The following ZNF518A variants were observed in gnomAD, a reference collection of about 807,000 sequenced individuals.
ZNF518A encodes zinc finger protein 518.
A neutral mutation model predicts 102.7 loss-of-function variants in ZNF518A; 47 were observed. The ratio of observed to expected loss-of-function variants is 0.46; its 90% CI spans 0.36 to 0.58. ZNF518A has a LOEUF of 0.58. Among genes scored for constraint, ZNF518A ranks in the 20% least tolerant of loss-of-function variants. The pLI, the probability that ZNF518A is intolerant of heterozygous loss-of-function variation, is 0.00. For missense variants in ZNF518A, 1,793 were observed against 1,699.8 expected (o/e 1.05, Z -0.96); for synonymous variants, 652 against 594.6 (o/e 1.10, Z -1.40).
At chr10:96,184,699 G>A (rs931220046) in intron 1 of ZNF518A, among the ~76,000 whole-genome samples, 7 of 152,164 alleles carry the variant, frequency 4.6e-5, no homozygotes, top group Non-Finnish European at 7.3e-5. Context: ...ATCCCTTTGT[G>A]GGTAACCCGA....
chr10:96,172,144 A>T (rs1400324176), intron 1 of ZNF518A, among the ~76,000 whole-genome samples: 3 of 152,104 alleles, frequency 2.0e-5, no homozygotes, highest in Non-Finnish European at 4.4e-5. Flanking sequence ...AATGATGTCG[A>T]GAATAATTTG....
chr10:96,130,140 GC>G (rs1468925173), upstream of ZNF518A: 3 of 152,778 alleles, frequency 2.0e-5, no homozygotes, highest in African/African-American at 7.2e-5. Flanking sequence ...CAGCGGGACT[GC>G]CCAGACCTTT....
At chr10:96,197,723 A>C (rs1184032945) in intron 1 of ZNF518A, among the ~76,000 whole-genome samples, 3 of 152,088 alleles carry the variant, frequency 2.0e-5, no homozygotes, top group Admixed American at 2.0e-4. Context: ...TGACCTCATT[A>C]TGAAAATTCT....
chr10:96,150,730 C>G (rs61074271), intron 3 of ZNF518A, among the ~76,000 whole-genome samples: 5,347 of 45,572 alleles, frequency 0.12, 326 homozygotes, highest in African/African-American at 0.24. Context: ...ATTGCAGCAA[C>G]TTTCTTTCTT....
At position 96,159,439 on chromosome 10, in the gene ZNF518A, T is replaced by C; in HGVS notation, c.3117T>C (p.Ser1039=). ...SSIGSCLSMK[S]SSENTLPLKG... ...TTGGCAGTTGTTTGAGCATGAAAAG[T>C]AGCTCAGAAAATACTTTGCCATTAA... Residue 1039 remains serine (S), a synonymous_variant, in exon 6 of 6, where the codon AGT becomes AGC. Transcript: ENST00000316045. The C allele has an allele frequency of 1.2e-6, 2 of 1,613,776 alleles. No individual in the cohort carries two copies. Among genetic ancestry groups the C allele is most frequent in the Non-Finnish European group, 1.7e-6 (2 of 1,179,778 alleles).
chr10:96,134,130 A>G (rs1255241395), intron 3 of ZNF518A, among the ~76,000 whole-genome samples: 3 of 152,252 alleles, frequency 2.0e-5, no homozygotes, highest in Non-Finnish European at 2.9e-5. Context: ...TCACTGGAAC[A>G]TTTTGGATTT....
intron 3 of ZNF518A, among the ~76,000 whole-genome samples, chr10:96,149,580 C>T (rs2082333634): frequency 6.6e-6 from 1 of 152,218 alleles, no homozygotes; most frequent in Non-Finnish European, 1.5e-5. Flanking sequence ...CTTCCTCCTT[C>T]CTCCCACAAG....
intron 1 of ZNF518A, among the ~76,000 whole-genome samples, chr10:96,184,654 T>C (rs2083260366): frequency 1.3e-5 from 2 of 152,170 alleles, no homozygotes; most frequent in South Asian, 4.1e-4. Context: ...GCTTGTAGAG[T>C]TTCTGCTGAG....
intron 3 of ZNF518A, among the ~76,000 whole-genome samples, chr10:96,143,967 T>C (rs1429973604): frequency 1.3e-5 from 2 of 152,210 alleles, no homozygotes; most frequent in East Asian, 3.8e-4. Flanking sequence ...AAATGTATTC[T>C]GTGCCTCAGT....
chr10:96,135,474 G>T (rs1554874093), intron 3 of ZNF518A, among the ~76,000 whole-genome samples: 1 of 152,164 alleles, frequency 6.6e-6, no homozygotes, highest in African/African-American at 2.4e-5. Flanking sequence ...TCCTTCTGTA[G>T]TTCCCCACTT....
chr10:96,180,068 G>A (rs989654710), intron 1 of ZNF518A, among the ~76,000 whole-genome samples: 32 of 151,554 alleles, frequency 2.1e-4, no homozygotes, highest in African/African-American at 7.7e-4. Flanking sequence ...TTAGTAGAGA[G>A]AGGGTTTCAC....
At chr10:96,152,469 G>A (rs74907622) in intron 3 of ZNF518A, among the ~76,000 whole-genome samples, 1 of 152,220 alleles carries the variant, frequency 6.6e-6, no homozygotes, top group East Asian at 1.9e-4. Context: ...TTGTCCATAC[G>A]TGGCAACCTT....
chr10:96,170,792 G>A (rs1241150828), intron 1 of ZNF518A, among the ~76,000 whole-genome samples: 2 of 152,112 alleles, frequency 1.3e-5, no homozygotes, highest in Middle Eastern at 3.2e-3. Flanking sequence ...AAAGTGAAAA[G>A]ACAACCCACA....
chr10:96,176,992 A>ACC (rs1164597192), intron 1 of ZNF518A, among the ~76,000 whole-genome samples: 1 of 151,520 alleles, frequency 6.6e-6, no homozygotes, highest in African/African-American at 2.4e-5. Flanking sequence ...GTGGGAGGAT[A>ACC]CTTGAGCCCA....
At chr10:96,173,169 C>T (rs2083183333) in intron 1 of ZNF518A, among the ~76,000 whole-genome samples, 1 of 152,062 alleles carries the variant, frequency 6.6e-6, no homozygotes, top group South Asian at 2.1e-4. Flanking sequence ...TTTGAACATC[C>T]ATAATTTTAG....
chr10:96,199,061 A>G (rs2083556103), intron 1 of ZNF518A, among the ~76,000 whole-genome samples: 1 of 152,198 alleles, frequency 6.6e-6, no homozygotes, highest in Non-Finnish European at 1.5e-5. Context: ...TTTCCTCAGA[A>G]TCTACTACAG....
At position 96,156,290 on chromosome 10, in the gene ZNF518A, A is replaced by G. The variant is rs2133761735; in HGVS notation, c.-33A>G. On this transcript the variant is annotated 5_prime_UTR_variant, in exon 6 of 6. Transcript: ENST00000316045. ...TACAGATAACTTCAAGAGTTTTCAGAAAAAAAGAAATTGGGACTTTTTTGG... is the reference window on the plus strand; with the variant it reads ...TACAGATAACTTCAAGAGTTTTCAGGAAAAAAGAAATTGGGACTTTTTTGG... The G allele has an allele frequency of 2.0e-6, 3 of 1,527,438 alleles. 1 individual carries two copies. Among genetic ancestry groups the G allele is most frequent in the South Asian group, 2.7e-5 (2 of 73,762 alleles). The allele number at this position is 1,527,438 out of a possible 1,614,324, so 94.6% of individuals were successfully genotyped here. A position where few individuals can be genotyped will look rare whatever the true frequency, so the allele number is the denominator to read the frequency against.
At chr10:96,192,415 T>C (rs2083351606) in intron 1 of ZNF518A, among the ~76,000 whole-genome samples, 1 of 152,184 alleles carries the variant, frequency 6.6e-6, no homozygotes, top group Admixed American at 6.5e-5. Context: ...ATACAACGCA[T>C]TTTTCTACAT....
At position 96,161,000 on chromosome 10, in the gene ZNF518A, A is replaced by G. The variant is rs2082978374; in HGVS notation, c.*226A>G. 1 of 422,398 alleles carries G rather than the reference A, an allele frequency of 2.4e-6. No individual in the cohort carries two copies. The highest frequency in any genetic ancestry group is 4.2e-6 in the Non-Finnish European group (1 of 240,888). The allele number at this position is 422,398 out of a possible 1,614,324, so 26.2% of individuals were successfully genotyped here. On this transcript the variant is annotated 3_prime_UTR_variant, in exon 6 of 6. Coordinates refer to ENST00000316045, the MANE Select transcript of ZNF518A (RefSeq NM_001330736.2). ...AAGAAACTAATCACAGCACAGAAGTACCTTGATTTAATTTTTTAAACGTGT... is the reference window on the plus strand; with the variant it reads ...AAGAAACTAATCACAGCACAGAAGTGCCTTGATTTAATTTTTTAAACGTGT...
Sources: allele counts gnomAD v4.1 joint callset (sites outside exome capture counted in the v4.1 genomes callset), GRCh38; gene constraint gnomAD v4.1.1; transcripts MANE v1.5; gene names NCBI Gene and HGNC (gene_info 2026-07-23, HGNC 2026-07-21).